The following CSMD3 variants were observed in gnomAD, a reference collection of about 807,000 sequenced individuals.
The protein encoded by CSMD3 is CUB and sushi domain-containing protein 3.
A neutral mutation model predicts 435.2 loss-of-function variants in CSMD3; 177 were observed. The ratio of observed to expected loss-of-function variants is 0.41; its 90% CI spans 0.36 to 0.46. The LOEUF is 0.46. Among genes scored for constraint, CSMD3 ranks in the 20% least tolerant of loss-of-function variants. The pLI is 0.34. For synonymous variants in CSMD3, 1,656 were observed against 1,520.5 expected, an observed-to-expected ratio of 1.09 and a Z score of -2.07; for missense variants, 4,265 against 4,504.6, an observed-to-expected ratio of 0.95 and a Z score of 1.52.
chr8:113,419,061 C>T (rs183144390), intron 1 of CSMD3, among the ~76,000 whole-genome samples: 427 of 150,590 alleles, frequency 2.8e-3, no homozygotes, highest in African/African-American at 8.7e-3. Flanking sequence ...TATATTAATA[C>T]ATAATATTTG....
rs1206170661 is a variant in CSMD3, at chr8:113,208,907, G to A, written c.515-34991C>T. 2.6e-5 allele frequency among the ~76,000 whole-genome samples: 4 copies of A among 152,124 alleles called. No individual in the cohort carries two copies. The East Asian group carries it at 7.7e-4, about 29-fold the overall frequency. The stretch of plus-strand genomic sequence containing the variant: ...ATGTAGATATTGAAAATATCAATGA[G>A]AGCAAAATATTTTTTCATTTTCTAA... On this transcript the variant is annotated intron_variant, in intron 3 of 70. Coordinates refer to ENST00000297405, the MANE Select transcript of CSMD3 (RefSeq NM_198123.2).
chr8:113,353,847 G>T (rs1306768239), intron 1 of CSMD3, among the ~76,000 whole-genome samples: 2 of 151,924 alleles, frequency 1.3e-5, no homozygotes, highest in African/African-American at 4.8e-5. Context: ...ACTGGCTGAA[G>T]TGCATCTTTT....
intron 13 of CSMD3, among the ~76,000 whole-genome samples, chr8:112,786,048 C>A (rs2078530005): frequency 6.6e-6 from 1 of 151,982 alleles, no homozygotes; most frequent in Non-Finnish European, 1.5e-5. Flanking sequence ...CTATAGTAAC[C>A]AAAACAGCAT....
At chr8:113,374,521 T>C (rs1457382095) in intron 1 of CSMD3, among the ~76,000 whole-genome samples, 3 of 152,044 alleles carry the variant, frequency 2.0e-5, no homozygotes, top group Admixed American at 2.0e-4. Flanking sequence ...TACTTTCACA[T>C]ACACTAATAT....
chr8:113,414,667 A>G (rs1323951081), intron 1 of CSMD3, among the ~76,000 whole-genome samples: 2 of 150,976 alleles, frequency 1.3e-5, no homozygotes, highest in African/African-American at 4.9e-5. Context: ...AAAAAAAAAA[A>G]AAAAAAGTAC....
intron 17 of CSMD3, among the ~76,000 whole-genome samples, chr8:112,658,362 A>C (rs1586907568): frequency 6.6e-6 from 1 of 152,164 alleles, no homozygotes; most frequent in African/African-American, 2.4e-5. Context: ...AACTAATTGA[A>C]TGGATTCAAA....
chr8:112,929,254 C>T (rs2130693909), intron 9 of CSMD3, among the ~76,000 whole-genome samples: 1 of 146,464 alleles, frequency 6.8e-6, no homozygotes, highest in East Asian at 2.1e-4. Context: ...GGAGGGATAG[C>T]ATTGGGAGAT....
In CSMD3 at chr8:113,370,269, A is replaced by G. The variant is rs191513901; in HGVS notation, c.179-55476T>C. Among the ~76,000 whole-genome samples the G allele has an allele frequency of 5.2e-3, 785 of 151,822 alleles. 1 individual carries two copies. Among genetic ancestry groups the G allele is most frequent in the African/African-American group, 0.016 (658 of 41,524 alleles). On this transcript the variant is annotated intron_variant, in intron 1 of 70. Coordinates refer to ENST00000297405, the MANE Select transcript of CSMD3 (RefSeq NM_198123.2). ...AAAGGAAAAAGATAGCTGGCAGAGT[A>G]AAAAACAATGTTTACACACAGAATA...
rs1321918544 is a variant in CSMD3 at position 113,436,784 on chromosome 8, C to T, written c.71G>A (p.Cys24Tyr). 2 of 1,614,212 alleles carry T rather than the reference C, an allele frequency of 1.2e-6. No individual in the cohort carries two copies. The highest frequency in any genetic ancestry group is 1.7e-6 in the Non-Finnish European group (2 of 1,180,038). Residue 24 changes from cysteine (C) to tyrosine (Y), a missense_variant, in exon 1 of 71, where the codon TGC (cysteine) becomes TAC (tyrosine). Physicochemically the swap from Cys to Tyr is radical, Grantham distance 194 (BLOSUM62 -2). Coordinates refer to ENST00000297405, the MANE Select transcript of CSMD3 (RefSeq NM_198123.2). ...SKPWEPGKRR[C>Y]AKCGRLDFIL... The stretch of plus-strand genomic sequence containing the variant: ...GAAGTCTAGGCGGCCACATTTAGCG[C>T]ATCTTCGCTTGCCAGGCTCCCAGGG...
intron 27 of CSMD3, among the ~76,000 whole-genome samples, chr8:112,534,585 A>G (rs1042572875): frequency 2.7e-4 from 41 of 152,246 alleles, no homozygotes; most frequent in East Asian, 9.7e-4. Context: ...ATTCACAGCT[A>G]AATTCTACCA....
At chr8:112,632,912 T>C (rs1309824471) in intron 22 of CSMD3, among the ~76,000 whole-genome samples, 1 of 151,932 alleles carries the variant, frequency 6.6e-6, no homozygotes, top group Non-Finnish European at 1.5e-5. Context: ...CTGAGAAACA[T>C]GGCTCTCCAG....
intron 13 of CSMD3, among the ~76,000 whole-genome samples, chr8:112,699,514 A>G (rs1563868716): frequency 6.6e-6 from 1 of 152,196 alleles, no homozygotes; most frequent in Non-Finnish European, 1.5e-5. Context: ...GTGGTTGTGG[A>G]TTTTTGGCTG....
At chr8:112,384,762 T>C (rs1829786503) in intron 36 of CSMD3, among the ~76,000 whole-genome samples, 1 of 152,242 alleles carries the variant, frequency 6.6e-6, no homozygotes, top group Non-Finnish European at 1.5e-5. Flanking sequence ...TCAGACCCAA[T>C]GGCAGTGTTC....
intron 53 of CSMD3, among the ~76,000 whole-genome samples, chr8:112,300,923 T>A (rs1820864403): frequency 6.6e-6 from 1 of 152,140 alleles, no homozygotes; most frequent in Non-Finnish European, 1.5e-5. Context: ...AGTAATATTT[T>A]AAAGACAAAA....
chr8:112,517,564 A>C (rs1823810007), intron 27 of CSMD3, among the ~76,000 whole-genome samples: 1 of 151,950 alleles, frequency 6.6e-6, no homozygotes, highest in African/African-American at 2.4e-5. Flanking sequence ...AACTCTCGAA[A>C]CTCAAAAAAA....
chr8:113,424,477 T>C (rs1195922256), intron 1 of CSMD3, among the ~76,000 whole-genome samples: 2 of 151,624 alleles, frequency 1.3e-5, no homozygotes, highest in African/African-American at 4.8e-5. Context: ...TTGACCTTGA[T>C]AAGTTAGCTC....
intron 45 of CSMD3, 57 bp downstream of exon 45, chr8:112,335,272 T>A (rs2130945759): frequency 6.5e-7 from 1 of 1,536,778 alleles, no homozygotes; most frequent in South Asian, 1.1e-5. Context: ...CATTCACTTT[T>A]TTCCAGGACA....
chr8:112,958,044 T>A lies in CSMD3; in HGVS notation c.1343-3283A>T, dbSNP rs2084094175. 7.9e-5 allele frequency among the ~76,000 whole-genome samples: 12 copies of A among 150,988 alleles called. No homozygotes were observed. In the South Asian group the frequency reaches 2.5e-3, roughly 31 times the overall value. ...ATTTGTATGAGTGTATGAATGAATA[T>A]ATATAATATTGTTAATTCTGAGTCT... On this transcript the variant is annotated intron_variant, in intron 7 of 70. Transcript: ENST00000297405.
At chr8:112,346,435 G>C (rs1825677977) in intron 40 of CSMD3, among the ~76,000 whole-genome samples, 1 of 152,128 alleles carries the variant, frequency 6.6e-6, no homozygotes, top group Admixed American at 6.5e-5. Flanking sequence ...TCAGAAATAA[G>C]TGGAAAGTAA....
Sources: gnomAD v4.1 joint callset for allele counts (sites outside exome capture counted in the v4.1 genomes callset) on GRCh38, gnomAD v4.1.1 for gene constraint, MANE v1.5 for transcripts, NCBI Gene and HGNC (gene_info 2026-07-23, HGNC 2026-07-21) for gene names.